The following HSF2BP variants were observed in gnomAD, a reference collection of about 807,000 sequenced individuals.
The protein encoded by HSF2BP is heat shock factor 2-binding protein.
A neutral mutation model predicts 35.0 loss-of-function variants in HSF2BP; 35 were observed. That is an observed-to-expected ratio of 1.00 (90% CI 0.76 to 1.32). HSF2BP has a LOEUF of 1.32. HSF2BP is among the 40% of genes most tolerant of loss of function. The pLI is 0.00. For synonymous variants in HSF2BP, 114 were observed against 117.4 expected (o/e 0.97, Z 0.18); for missense variants, 326 against 321.7 (o/e 1.01, Z -0.10).
chr21:43,624,605 C>G (rs965083260), intron 6 of HSF2BP, among the ~76,000 whole-genome samples: 4 of 152,144 alleles, frequency 2.6e-5, no homozygotes, highest in Non-Finnish European at 5.9e-5. Context: ...CTTTGTGTAA[C>G]TAGGAAGGTC....
intron 4 of HSF2BP, among the ~76,000 whole-genome samples, chr21:43,640,324 G>A (rs914408234): frequency 6.6e-6 from 1 of 152,156 alleles, no homozygotes; most frequent in African/African-American, 2.4e-5. Flanking sequence ...AGTCGCAAAA[G>A]GTTATTCTAC....
At chr21:43,658,038 T>C in intron 2 of HSF2BP, 23 bp downstream of exon 2, 2 of 1,535,600 alleles carry the variant, frequency 1.3e-6, no homozygotes, top group Non-Finnish European at 8.7e-7. Flanking sequence ...CACGCTGGCG[T>C]CGGCCAGGGC....
At chr21:43,612,294 C>T (rs756748357) in intron 7 of HSF2BP, among the ~76,000 whole-genome samples, 1 of 152,086 alleles carries the variant, frequency 6.6e-6, no homozygotes, top group Non-Finnish European at 1.5e-5. Flanking sequence ...TCAAGAGACA[C>T]CGAGGCCAGG....
chr21:43,636,894 C>CAAAAA (rs34578952), intron 4 of HSF2BP, among the ~76,000 whole-genome samples: 342 of 111,660 alleles, frequency 3.1e-3, no homozygotes, highest in Non-Finnish European at 4.0e-3. Context: ...CGTCTCAAAA[C>CAAAAA]AAAAAAAAAA....
chr21:43,631,854 C>A (rs150880170), intron 5 of HSF2BP, among the ~76,000 whole-genome samples: 3 of 152,092 alleles, frequency 2.0e-5, no homozygotes, highest in Admixed American at 6.5e-5. Flanking sequence ...AATGCCTGCA[C>A]GCATGCATAC....
At chr21:43,574,744 A>G (rs1231576513) in intron 8 of HSF2BP, among the ~76,000 whole-genome samples, 1 of 152,162 alleles carries the variant, frequency 6.6e-6, no homozygotes, top group Non-Finnish European at 1.5e-5. Flanking sequence ...CACAGGGCAC[A>G]CAGGGCCGCC....
At chr21:43,600,545 C>A (rs986039498) in intron 7 of HSF2BP, among the ~76,000 whole-genome samples, 15 of 152,096 alleles carry the variant, frequency 9.9e-5, no homozygotes, top group African/African-American at 3.4e-4. Context: ...ACTTAAGAGG[C>A]CTACCAATTT....
intron 6 of HSF2BP, among the ~76,000 whole-genome samples, chr21:43,629,128 T>A (rs1035954325): frequency 6.6e-6 from 1 of 152,150 alleles, no homozygotes. Context: ...CAAAAAGAAA[T>A]TTCAACTTTC....
At chr21:43,602,169 A>T (rs1329864337) in intron 7 of HSF2BP, among the ~76,000 whole-genome samples, 1 of 152,240 alleles carries the variant, frequency 6.6e-6, no homozygotes, top group Non-Finnish European at 1.5e-5. Context: ...GGAGAGAGAC[A>T]AACAAAGCAA....
intron 7 of HSF2BP, among the ~76,000 whole-genome samples, chr21:43,604,528 ACAC>A (rs1371819554): frequency 6.8e-6 from 1 of 146,972 alleles, no homozygotes; most frequent in Non-Finnish European, 1.5e-5. Flanking sequence ...CACCCCACAC[ACAC>A]ACCACACACA....
intron 4 of HSF2BP, among the ~76,000 whole-genome samples, chr21:43,635,614 A>G (rs79797443): frequency 7.9e-5 from 12 of 152,260 alleles, no homozygotes; most frequent in African/African-American, 2.9e-4. Context: ...CAAAAAAAAA[A>G]TAATTCAAAA....
intron 4 of HSF2BP, among the ~76,000 whole-genome samples, chr21:43,640,683 A>C (rs1421836233): frequency 6.6e-6 from 1 of 152,228 alleles, no homozygotes; most frequent in East Asian, 1.9e-4. Flanking sequence ...CCACTAGGGA[A>C]AACCGGGTGA....
At chr21:43,603,211 G>A (rs1197205330) in intron 7 of HSF2BP, among the ~76,000 whole-genome samples, 4 of 152,176 alleles carry the variant, frequency 2.6e-5, no homozygotes, top group South Asian at 4.1e-4. Flanking sequence ...AAGAGGAGCC[G>A]TAGAAAGGAG....
intron 5 of HSF2BP, among the ~76,000 whole-genome samples, chr21:43,632,471 ACACACACACGCTGC>A (rs1320498037): frequency 5.2e-5 from 2 of 38,102 alleles, no homozygotes; most frequent in Non-Finnish European, 8.0e-5. Context: ...ACACATGCTC[ACACACACACGCTGC>A]CACACACACA....
At chr21:43,467,923 AC>A in the HSF2BP span, among the ~76,000 whole-genome samples, 3 of 102,774 alleles carry the variant, frequency 2.9e-5, no homozygotes, top group African/African-American at 4.1e-5. Context: ...CACCACACAC[AC>A]CACACACCAC....
In HSF2BP at chr21:43,573,376, T is replaced by C. The variant is rs192416187; in HGVS notation, c.796+18849A>G. Among the ~76,000 whole-genome samples, 138 of 152,272 alleles carry C rather than the reference T, an allele frequency of 9.1e-4. 2 individuals carry two copies. The highest frequency in any genetic ancestry group is 4.3e-3 in the Admixed American group (66 of 15,290). On this transcript the variant is annotated intron_variant, in intron 8 of 8. Coordinates refer to ENST00000291560, the MANE Select transcript of HSF2BP (RefSeq NM_007031.2). The stretch of plus-strand genomic sequence containing the variant: ...GGAGCCCAAGGCTCCCCTTGAGAAC[T>C]GTCAACAATGCTACCATCTCAGAGT...
intron 4 of HSF2BP, among the ~76,000 whole-genome samples, chr21:43,642,762 T>C (rs903524217): frequency 1.3e-5 from 2 of 152,030 alleles, no homozygotes; most frequent in Non-Finnish European, 2.9e-5. Context: ...GTTTCCTTCT[T>C]CTCAGTATGC....
rs767680811 is a variant in HSF2BP at position 43,592,220 on chromosome 21, C to G, written c.796+5G>C. 1 of 1,601,500 alleles carries G rather than the reference C, an allele frequency of 6.2e-7. No individual in the cohort carries two copies. The highest frequency in any genetic ancestry group is 1.1e-5 in the South Asian group (1 of 90,842). ...AGCAGCTGGACAGATAACCACCCCC[C>G]TTACCACTCAAAAGCCACCACAGCA... On this transcript the variant is annotated splice_donor_5th_base_variant and intron_variant, in intron 8 of 8. Coordinates refer to ENST00000291560, the MANE Select transcript of HSF2BP (RefSeq NM_007031.2).
chr21:43,637,484 T>C (rs1278688016), intron 4 of HSF2BP, among the ~76,000 whole-genome samples: 2 of 91,288 alleles, frequency 2.2e-5, no homozygotes, highest in Non-Finnish European at 4.1e-5. Context: ...TCAGTAATTA[T>C]AAAAATAAAT....
Sources: allele counts gnomAD v4.1 joint callset (sites outside exome capture counted in the v4.1 genomes callset), GRCh38; gene constraint gnomAD v4.1.1; transcripts MANE v1.5; gene names NCBI Gene and HGNC (gene_info 2026-07-23, HGNC 2026-07-21).